Variants in PSG8 observed in about 807,000 individuals in gnomAD.
PSG8 encodes pregnancy specific beta-1-glycoprotein 8.
In PSG8, 57 loss-of-function variants were observed where a neutral mutation model predicts 42.5. That is an observed-to-expected ratio of 1.34 (90% CI 1.08 to 1.67). The LOEUF (loss-of-function observed/expected upper bound fraction) is 1.67. Ranked by LOEUF, PSG8 falls within the 40% of genes most tolerant of loss-of-function variation. The probability of loss-of-function intolerance (pLI) is 0.00; values close to 1 mark genes in which losing one functional copy is unlikely to be tolerated. For missense variants in PSG8, 783 were observed against 518.6 expected (o/e 1.51, Z -4.95); for synonymous variants, 280 against 196.8 (o/e 1.42, Z -3.54).
chr19:42,765,597 T>C lies in PSG8; in HGVS notation c.-16A>G, dbSNP rs200337862. 1.6e-4 allele frequency: 265 copies of C among 1,609,074 alleles called. 3 individuals carry two copies. The Admixed American group carries it at 2.4e-3, about 14-fold the overall frequency. ...GGAGCCCCATGGTCTCTGCTGTCTG[T>C]GTGTTCTCCTCTGTGGAGATGAGCC... On this transcript the variant is annotated 5_prime_UTR_variant, in exon 1 of 5. Coordinates refer to ENST00000306511, the MANE Select transcript of PSG8 (RefSeq NM_182707.3).
rs759484117 is a variant in PSG8 at position 42,763,979 on chromosome 19, G to T, written c.367C>A (p.His123Asn). Residue 123 changes from histidine to asparagine, a missense_variant, in exon 2 of 5, where the codon CAC (histidine) becomes AAC (asparagine). By Grantham distance (68) the His-to-Asn change is moderately conservative (BLOSUM62 1). Transcript: ENST00000306511. ...TTCTCATCACCTCCCATTATGATGTGTAAGGTGTAGGATCCTGCGTCTTCC... is the reference window on the plus strand; with the variant it reads ...TTCTCATCACCTCCCATTATGATGTTTAAGGTGTAGGATCCTGCGTCTTCC... The part of the protein sequence containing the change: ...TQEDAGSYTL[H>N]IIMGGDENRG... 3.7e-6 allele frequency: 6 copies of T among 1,611,442 alleles called. No homozygotes were observed. Among genetic ancestry groups the T allele is most frequent in the East Asian group, 2.2e-5 (1 of 44,856 alleles).
chr19:42,759,358 T>C (rs1264652463), intron 2 of PSG8, among the ~76,000 whole-genome samples: 1 of 152,094 alleles, frequency 6.6e-6, no homozygotes, highest in East Asian at 1.9e-4. Flanking sequence ...GGTTGTGCAG[T>C]TTCAGTTATG....
intron 2 of PSG8, among the ~76,000 whole-genome samples, chr19:42,760,541 G>T (rs2122264066): frequency 6.6e-6 from 1 of 152,212 alleles, no homozygotes; most frequent in East Asian, 1.9e-4. Context: ...TCAGCTGTGT[G>T]CAGTCTACCA....
At chr19:42,760,791 C>T (rs921027258) in intron 2 of PSG8, among the ~76,000 whole-genome samples, 35 of 152,172 alleles carry the variant, frequency 2.3e-4, no homozygotes, top group African/African-American at 7.9e-4. Flanking sequence ...ACCATGTTAG[C>T]CAGGATGGTC....
chr19:42,756,881 C>CT (rs202206674), intron 3 of PSG8, among the ~76,000 whole-genome samples: 2 of 151,592 alleles, frequency 1.3e-5, no homozygotes, highest in East Asian at 3.9e-4. Flanking sequence ...AAAAATGTTA[C>CT]TGGGATTCTG....
intron 3 of PSG8, 186 bp from the exon 4 acceptor site, chr19:42,755,452 G>C (rs372260458): frequency 7.9e-7 from 1 of 1,266,348 alleles, no homozygotes; most frequent in Non-Finnish European, 1.1e-6. Flanking sequence ...GAGGCCAGCT[G>C]CTCTGTCTTA....
chr19:42,757,434 A>C (rs1969953688), intron 3 of PSG8, among the ~76,000 whole-genome samples: 1 of 151,862 alleles, frequency 6.6e-6, no homozygotes, highest in South Asian at 2.1e-4. Flanking sequence ...TGTTTTAGTG[A>C]TTTGGGGGAT....
intron 2 of PSG8, among the ~76,000 whole-genome samples, chr19:42,759,549 C>T (rs949705895): frequency 6.6e-6 from 1 of 152,102 alleles, no homozygotes; most frequent in East Asian, 1.9e-4. Context: ...ATTTAAAATG[C>T]ACAATGCGCC....
intron 2 of PSG8, among the ~76,000 whole-genome samples, chr19:42,763,257 G>A (rs1175812784): frequency 6.6e-6 from 1 of 152,082 alleles, no homozygotes; most frequent in African/African-American, 2.4e-5. Context: ...CTATGGACTG[G>A]CCTAAGCCTC....
rs752363136 is a variant in PSG8 at position 42,764,130 on chromosome 19, G to T, written c.216C>A (p.Ile72=). ...LTGYIWYKGQ[I]RDLYHYITSY... is the part of the protein sequence containing the mutation. ...ATGTAATGTAATGGTAGAGGTCCCTGATTTGCCCTTTGTACCAGATGTAGC... is the reference window on the plus strand; with the variant it reads ...ATGTAATGTAATGGTAGAGGTCCCTTATTTGCCCTTTGTACCAGATGTAGC... Residue 72 remains isoleucine, a synonymous_variant, in exon 2 of 5, where the codon ATC becomes ATA. Coordinates refer to ENST00000306511, the MANE Select transcript of PSG8 (RefSeq NM_182707.3). The T allele has an allele frequency of 1.9e-6, 3 of 1,613,854 alleles. No homozygotes were observed. Among genetic ancestry groups the T allele is most frequent in the South Asian group, 2.2e-5 (2 of 91,062 alleles).
intron 2 of PSG8, chr19:42,758,496 T>G (rs1232993359): frequency 9.3e-7 from 1 of 1,073,086 alleles, no homozygotes; most frequent in African/African-American, 1.6e-5. Flanking sequence ...CTTTCTCAAG[T>G]GTGAATTGAG....
rs768322602 is a variant in PSG8, at chr19:42,764,221, G to C, written c.125C>G (p.Pro42Arg). The change falls in exon 2 of 5, where the codon CCA becomes CGA. Residue 42 changes from proline (P) to arginine (R), a missense_variant. Pro to Arg is a moderately radical substitution (Grantham distance 103, BLOSUM62 -2). Coordinates refer to ENST00000306511, the MANE Select transcript of PSG8 (RefSeq NM_182707.3). ...ATCCTTCCCCTCAGAAACTTTGGTT[G>C]GCTGGGCTTCAATCGTGACTTGGGC... ...TTAQVTIEAQ[P>R]TKVSEGKDVL... 1.2e-6 allele frequency: 2 copies of C among 1,613,664 alleles called. No individual in the cohort carries two copies. The highest frequency in any genetic ancestry group is 2.2e-5 in the East Asian group (1 of 44,838).
chr19:42,765,443 C>A, intron 1 of PSG8, 75 bp downstream of exon 1: 4 of 1,590,156 alleles, frequency 2.5e-6, no homozygotes, highest in Non-Finnish European at 3.4e-6. Flanking sequence ...TTTTAGTACC[C>A]CATACTCTCA....
downstream of PSG8, chr19:42,753,318 C>A (rs758932998): frequency 3.8e-6 from 3 of 780,206 alleles, no homozygotes; most frequent in Non-Finnish European, 4.8e-6. Flanking sequence ...TTTTTCTTAG[C>A]GATTCCATGG....
At chr19:42,764,760 G>A (rs1224665835) in intron 1 of PSG8, among the ~76,000 whole-genome samples, 1 of 151,982 alleles carries the variant, frequency 6.6e-6, no homozygotes, top group Non-Finnish European at 1.5e-5. Flanking sequence ...TCCCCTCCAT[G>A]ACAGCGTGAG....
chr19:42,765,615 G>A lies in PSG8; in HGVS notation c.-34C>T, dbSNP rs1250320053. 1 of 1,605,644 alleles carries A rather than the reference G, an allele frequency of 6.2e-7. No individual in the cohort carries two copies. Among genetic ancestry groups the A allele is most frequent in the Non-Finnish European group, 8.5e-7 (1 of 1,174,508 alleles). On this transcript the variant is annotated 5_prime_UTR_variant, in exon 1 of 5. Coordinates refer to ENST00000306511, the MANE Select transcript of PSG8 (RefSeq NM_182707.3). ...CTGTCTGTGTGTTCTCCTCTGTGGA[G>A]ATGAGCCTAGGATCCAGAAGCTTCC...
intron 1 of PSG8, among the ~76,000 whole-genome samples, chr19:42,765,011 T>C (rs1568381458): frequency 1.3e-5 from 2 of 152,126 alleles, no homozygotes; most frequent in Non-Finnish European, 2.9e-5. Flanking sequence ...CCCTGATGAT[T>C]AATCAGGAAA....
Position 42,764,883 on chromosome 19 carries a change from T to C in PSG8, c.65-602A>G, listed in dbSNP as rs1409308938. On this transcript the variant is annotated intron_variant, in intron 1 of 4. Transcript: ENST00000306511. ...GGGCCCTCCACGCCCTTGGTGTTTTTTTTTCCCCCCAATTGTTGAGGTTTC... is the reference window on the plus strand; with the variant it reads ...GGGCCCTCCACGCCCTTGGTGTTTTCTTTTCCCCCCAATTGTTGAGGTTTC... 4.6e-5 allele frequency among the ~76,000 whole-genome samples: 7 copies of C among 152,136 alleles called. No individual in the cohort carries two copies. In the East Asian group the frequency reaches 9.6e-4, roughly 21 times the overall value.
downstream of PSG8, chr19:42,753,184 G>C: frequency 1.3e-6 from 1 of 747,518 alleles, no homozygotes; most frequent in Non-Finnish European, 2.5e-6. Flanking sequence ...AGCATCTGTT[G>C]TTATGGTGTC....
Sources: gnomAD v4.1 joint callset for allele counts (sites outside exome capture counted in the v4.1 genomes callset) on GRCh38, gnomAD v4.1.1 for gene constraint, MANE v1.5 for transcripts, NCBI Gene and HGNC (gene_info 2026-07-23, HGNC 2026-07-21) for gene names.